CHKB: variants seen among roughly 807,000 people sequenced by gnomAD.
CHKB encodes the protein choline kinase beta, also known as choline/ethanolamine kinase.
In CHKB, 45 loss-of-function variants were observed where a neutral mutation model predicts 57.3. That is an observed-to-expected ratio of 0.79 (90% CI 0.62 to 1.01). The LOEUF (loss-of-function observed/expected upper bound fraction) is 1.01. CHKB is among the 50% of genes least tolerant of loss of function. CHKB has a pLI of 0.00. For missense variants in CHKB, 517 were observed against 502.8 expected (o/e 1.03, Z -0.27); for synonymous variants, 224 against 201.8 (o/e 1.11, Z -0.93).
At position 50,580,677 on chromosome 22, in the gene CHKB, A is replaced by G; in HGVS notation, c.582-17T>C. 1 of 1,612,088 alleles carries G rather than the reference A, an allele frequency of 6.2e-7. No individual in the cohort carries two copies. On this transcript the variant is annotated splice_polypyrimidine_tract_variant and intron_variant, in intron 4 of 10. Coordinates refer to ENST00000406938, the MANE Select transcript of CHKB (RefSeq NM_005198.5). ...TTTAGGTACCTGAAGCCCAAAGAAT[A>G]GGATACACTGGCTCTGCTATTCTTT...
In CHKB at chr22:50,580,569, G is replaced by A. The variant is rs543829328; in HGVS notation, c.673C>T (p.Leu225Phe). The A allele has an allele frequency of 7.5e-5, 121 of 1,614,066 alleles. 1 individual carries two copies. In the South Asian group the frequency reaches 1.3e-3, roughly 17 times the overall value. ...MYSLKDEMGN[L>F]RKLLESTPSP... is the part of the protein sequence containing the mutation. ...CCTTGTCCTGCCTGCCCTCACCTGA[G>A]GTTGCCCATCTCATCCTTCAGGCTG... Residue 225 changes from leucine to phenylalanine, a missense_variant, in exon 5 of 11, where the codon CTC (leucine) becomes TTC (phenylalanine). Leu to Phe is a conservative substitution (Grantham distance 22). Coordinates refer to ENST00000406938, the MANE Select transcript of CHKB (RefSeq NM_005198.5).
chr22:50,581,984 A>G, intron 2 of CHKB, 122 bp from the exon 3 acceptor site: 1 of 911,814 alleles, frequency 1.1e-6, no homozygotes, highest in Non-Finnish European at 1.8e-6. Flanking sequence ...TCTGGAGCAC[A>G]GGCTTTAGCG....
Position 50,579,080 on chromosome 22 carries a change from G to T in CHKB, c.*101C>A. ...GGTCTCCTGAACCTCAGTTTCACTT[G>T]GGGGCTCAGCCCAGTCGCCAGGGCC... On this transcript the variant is annotated 3_prime_UTR_variant, in exon 11 of 11. Transcript: ENST00000406938. 1 of 1,166,128 alleles carries T rather than the reference G, an allele frequency of 8.6e-7. No homozygotes were observed. The highest frequency in any genetic ancestry group is 1.3e-6 in the Non-Finnish European group (1 of 795,948). The allele number at this position is 1,166,128 out of a possible 1,614,324, so 72.2% of individuals were successfully genotyped here.
In CHKB at chr22:50,580,234, G is replaced by A. The variant is rs1335061797; in HGVS notation, c.774C>T (p.Asp258=). The A allele has an allele frequency of 1.2e-6, 2 of 1,614,016 alleles. No individual in the cohort carries two copies. Among genetic ancestry groups the A allele is most frequent in the Non-Finnish European group, 1.7e-6 (2 of 1,179,998 alleles). Residue 258 remains aspartate, a synonymous_variant, in exon 7 of 11, where the codon GAC becomes GAT. Coordinates refer to ENST00000406938, the MANE Select transcript of CHKB (RefSeq NM_005198.5). The part of the protein sequence containing the change: ...ILLLSEPENA[D]SLMLVDFEYS... ...ACTCGAAGTCCACCAGCATGAGGCT[G>A]TCAGCATTTTCTGGCTCTGAGAGCA...
At chr22:50,581,041 G>A (rs985721218) in intron 4 of CHKB, among the ~76,000 whole-genome samples, 12 of 152,052 alleles carry the variant, frequency 7.9e-5, no homozygotes, top group African/African-American at 2.2e-4. Context: ...TCAGCCTCCC[G>A]AAGTGCTAGG....
rs185353265 is a variant in CHKB, at chr22:50,579,345, C to T, written c.1113+81G>A. 9.6e-4 allele frequency: 1,513 copies of T among 1,577,300 alleles called. 7 individuals carry two copies. In the African/African-American group the frequency reaches 0.017, roughly 18 times the overall value. The stretch of plus-strand genomic sequence containing the variant: ...TCAGGCTGCCCACAGCCACCCGGGA[C>T]TCCCCAGGCCTCCTGGAAGAGTGTG... On this transcript the variant is annotated intron_variant, in intron 10 of 10. Transcript: ENST00000406938.
At position 50,580,643 on chromosome 22, in the gene CHKB, T is replaced by C. The variant is rs1555894621; in HGVS notation, c.599A>G (p.Gln200Arg). 1.2e-6 allele frequency: 2 copies of C among 1,614,064 alleles called. No homozygotes were observed. The highest frequency in any genetic ancestry group is 1.3e-5 in the African/African-American group (1 of 75,040). ...AGGGAGGCCAGTTGGGGGCAGGTCC[T>C]GGATCTGTTTTAGGTACCTGAAGCC... ...GTMERYLKQI[Q>R]DLPPTGLPEM... is the part of the protein sequence containing the mutation. The change falls in exon 5 of 11, where the codon CAG (glutamine) becomes CGG (arginine). Residue 200 changes from glutamine to arginine, a missense_variant. Physicochemically the swap from Gln to Arg is conservative, Grantham distance 43 (BLOSUM62 1). Coordinates refer to ENST00000406938, the MANE Select transcript of CHKB (RefSeq NM_005198.5).
Position 50,580,213 on chromosome 22 carries a change from G to A in CHKB, c.795C>T (p.Phe265=), listed in dbSNP as rs1469096482. The change falls in exon 7 of 11, where the codon TTC becomes TTT. Residue 265 remains phenylalanine, a synonymous_variant. Coordinates refer to ENST00000406938, the MANE Select transcript of CHKB (RefSeq NM_005198.5). ...ACCTATAGTTATAACTGCTGTACTC[G>A]AAGTCCACCAGCATGAGGCTGTCAG... ...ENADSLMLVD[F]EYSSYNYRGF... 1.2e-5 allele frequency: 20 copies of A among 1,613,744 alleles called. No individual in the cohort carries two copies. Among genetic ancestry groups the A allele is most frequent in the African/African-American group, 4.0e-5 (3 of 74,920 alleles).
chr22:50,580,624 G>T lies in CHKB; in HGVS notation c.618C>A (p.Gly206=). 3.7e-6 allele frequency: 6 copies of T among 1,614,068 alleles called. No individual in the cohort carries two copies. The highest frequency in any genetic ancestry group is 3.4e-6 in the Non-Finnish European group (4 of 1,180,006). ...LKQIQDLPPT[G]LPEMNLLEMY... ...TCTCCAGCAGGTTCATCTCAGGGAGGCCAGTTGGGGGCAGGTCCTGGATCT... is the reference window on the plus strand; with the variant it reads ...TCTCCAGCAGGTTCATCTCAGGGAGTCCAGTTGGGGGCAGGTCCTGGATCT... Residue 206 remains glycine (G), a synonymous_variant, in exon 5 of 11, where the codon GGC becomes GGA. Coordinates refer to ENST00000406938, the MANE Select transcript of CHKB (RefSeq NM_005198.5).
chr22:50,581,353 C>G, intron 4 of CHKB, 67 bp downstream of exon 4: 2 of 1,597,670 alleles, frequency 1.3e-6, no homozygotes, highest in Non-Finnish European at 1.7e-6. Context: ...ATAGAGCCCC[C>G]GACACATCCG....
chr22:50,579,621 A>C (rs2070631711), intron 9 of CHKB, 106 bp downstream of exon 9: 1 of 1,487,474 alleles, frequency 6.7e-7, no homozygotes. Context: ...CACTGTCCTA[A>C]CTCCACTCTC....
chr22:50,582,369 C>A lies in CHKB; in HGVS notation c.225-12G>T. On this transcript the variant is annotated splice_polypyrimidine_tract_variant and intron_variant, in intron 1 of 10. Coordinates refer to ENST00000406938, the MANE Select transcript of CHKB (RefSeq NM_005198.5). Reference sequence around the variant, plus strand: ...TGCTGAGGCCTCCGCTGCAGACCCACACCAGGCGCGCTCAGCCCGCGGCCG... The same window carrying A: ...TGCTGAGGCCTCCGCTGCAGACCCAAACCAGGCGCGCTCAGCCCGCGGCCG... 1 of 1,543,466 alleles carries A rather than the reference C, an allele frequency of 6.5e-7. No homozygotes were observed. Among genetic ancestry groups the A allele is most frequent in the Non-Finnish European group, 8.7e-7 (1 of 1,145,266 alleles).
chr22:50,580,190 CTA>C lies in CHKB; in HGVS notation c.816_817del (p.Tyr272Ter). On this transcript the variant is annotated stop_gained and frameshift_variant and splice_region_variant, in exon 7 of 11. Coordinates refer to ENST00000406938, the MANE Select transcript of CHKB (RefSeq NM_005198.5). LOFTEE classifies it high-confidence loss of function. ...TGGGAAGCCATCTTTCCAGCCTCACCTATAGTTATAACTGCTGTACTCGAAGT... is the reference window on the plus strand; with the variant it reads ...TGGGAAGCCATCTTTCCAGCCTCACCTAGTTATAACTGCTGTACTCGAAGT... 6.2e-7 allele frequency: 1 copy of C among 1,613,848 alleles called. No homozygotes were observed.
Position 50,582,372 on chromosome 22 carries a change from C to T in CHKB, c.225-15G>A. On this transcript the variant is annotated splice_polypyrimidine_tract_variant and intron_variant, in intron 1 of 10. Coordinates refer to ENST00000406938, the MANE Select transcript of CHKB (RefSeq NM_005198.5). ...TGAGGCCTCCGCTGCAGACCCACAC[C>T]AGGCGCGCTCAGCCCGCGGCCGGCC... 1 of 1,538,392 alleles carries T rather than the reference C, an allele frequency of 6.5e-7. No individual in the cohort carries two copies. Among genetic ancestry groups the T allele is most frequent in the South Asian group, 1.2e-5 (1 of 84,022 alleles).
At chr22:50,579,384 C>G (rs2070622144) in intron 10 of CHKB, 42 bp downstream of exon 10, 1 of 1,596,184 alleles carries the variant, frequency 6.3e-7, no homozygotes, top group Non-Finnish European at 8.6e-7. Flanking sequence ...GCTGCTGCTC[C>G]CCAGCCCCCC....
chr22:50,581,167 C>G (rs527615716), intron 4 of CHKB, among the ~76,000 whole-genome samples: 1 of 152,328 alleles, frequency 6.6e-6, no homozygotes, highest in South Asian at 2.1e-4. Flanking sequence ...ATGGCATGAG[C>G]TCAGCTCACT....
In CHKB at chr22:50,582,707, C is replaced by G. The variant is rs1405682177; in HGVS notation, c.75G>C (p.Gln25His). The change falls in exon 1 of 11, where the codon CAG becomes CAC. Residue 25 changes from glutamine (Q) to histidine (H), a missense_variant. Gln to His is a conservative substitution (Grantham distance 24). Transcript: ENST00000406938. ...TTGGGGTAGTGTCCGGGCACTTAGA[C>G]TGCTGCAAGCCGTCTTTGGCCAGGC... The part of the protein sequence containing the change: ...GGCLAKDGLQ[Q>H]SKCPDTTPKR... The G allele has an allele frequency of 6.2e-7, 1 of 1,609,188 alleles. No homozygotes were observed. The highest frequency in any genetic ancestry group is 8.5e-7 in the Non-Finnish European group (1 of 1,178,752).
chr22:50,581,308 C>A, intron 4 of CHKB, 112 bp downstream of exon 4: 1 of 1,381,786 alleles, frequency 7.2e-7, no homozygotes, highest in Non-Finnish European at 1.0e-6. Flanking sequence ...TCTGTGACAG[C>A]CCATGACATC....
At position 50,579,817 on chromosome 22, in the gene CHKB, C is replaced by A; in HGVS notation, c.941G>T (p.Arg314Leu). The A allele has an allele frequency of 6.2e-7, 1 of 1,613,712 alleles. No homozygotes were observed. Reference sequence around the variant, plus strand: ...TTTCTTTGCCTCTGCCAGGTAATGACGAATAAAATGCAACTACGATCAATG... The same window carrying A: ...TTTCTTTGCCTCTGCCAGGTAATGAAGAATAAAATGCAACTACGATCAATG... ...PTQEQQLHFI[R>L]HYLAEAKKGE... The change falls in exon 9 of 11, where the codon CGT becomes CTT. Residue 314 changes from arginine to leucine, a missense_variant. Coordinates refer to ENST00000406938, the MANE Select transcript of CHKB (RefSeq NM_005198.5).
Sources: allele counts gnomAD v4.1 joint callset (sites outside exome capture counted in the v4.1 genomes callset), GRCh38; gene constraint gnomAD v4.1.1; transcripts MANE v1.5; gene names NCBI Gene and HGNC (gene_info 2026-07-23, HGNC 2026-07-21).